Variants in CLTCL1 observed in about 807,000 individuals in gnomAD.
The protein encoded by CLTCL1 is clathrin heavy chain 2.
Under a neutral mutation model 190.0 loss-of-function variants are expected in CLTCL1, and 159 were observed. The observed-to-expected ratio is 0.84, with a 90% confidence interval of 0.74 to 0.95. The LOEUF (loss-of-function observed/expected upper bound fraction) is 0.95. Among genes scored for constraint, CLTCL1 ranks in the 40% least tolerant of loss-of-function variants. The pLI is 0.00. For missense variants in CLTCL1, 1,878 were observed against 2,033.4 expected (o/e 0.92, Z 1.47); for synonymous variants, 752 against 769.6 (o/e 0.98, Z 0.38).
At chr22:19,271,864 T>C (rs927453684) in intron 2 of CLTCL1, among the ~76,000 whole-genome samples, 1 of 152,188 alleles carries the variant, frequency 6.6e-6, no homozygotes, top group African/African-American at 2.4e-5. Context: ...CTCAGGACTT[T>C]GGAAGGCTGA....
chr22:19,285,809 C>T (rs1160666610), intron 1 of CLTCL1, among the ~76,000 whole-genome samples: 2 of 152,100 alleles, frequency 1.3e-5, no homozygotes, highest in Non-Finnish European at 2.9e-5. Flanking sequence ...GACAGGGTGC[C>T]AGCAACTACT....
intron 1 of CLTCL1, among the ~76,000 whole-genome samples, chr22:19,280,511 CA>C (rs1448328256): frequency 2.6e-5 from 4 of 151,908 alleles, no homozygotes; most frequent in Non-Finnish European, 4.4e-5. Flanking sequence ...ACCTTGAGGT[CA>C]TTATGCTAAG....
At chr22:19,222,134 C>T (rs374584984) in intron 15 of CLTCL1, 41 bp from the exon 16 acceptor site, 12 of 1,608,636 alleles carry the variant, frequency 7.5e-6, no homozygotes, top group Non-Finnish European at 1.0e-5. Context: ...GTTGCAAACA[C>T]AAGTTATTGT....
intron 2 of CLTCL1, among the ~76,000 whole-genome samples, chr22:19,262,751 C>A (rs1160542104): frequency 1.3e-5 from 2 of 151,952 alleles, no homozygotes; most frequent in South Asian, 2.1e-4. Context: ...CAACTCGCAG[C>A]TGGGTACAGT....
At chr22:19,222,613 C>T in intron 15 of CLTCL1, 71 bp downstream of exon 15, 1 of 1,538,580 alleles carries the variant, frequency 6.5e-7, no homozygotes, top group Non-Finnish European at 8.8e-7. Context: ...TACAGGCAGC[C>T]TCTGAGGGGA....
chr22:19,234,684 T>A lies in CLTCL1; in HGVS notation c.992A>T (p.Glu331Val). ...KGQVLSVCVE[E>V]DNIVNYATNV... The stretch of plus-strand genomic sequence containing the variant: ...GGTTGCATAATTCACAATGTTATCT[T>A]CCTCAACACAAACTGACAGTACCTG... The change falls in exon 7 of 33, where the codon GAA becomes GTA. Residue 331 changes from glutamate to valine, a missense_variant. Physicochemically the swap from Glu to Val is moderately radical, Grantham distance 121 (BLOSUM62 -2). Coordinates refer to ENST00000427926, the MANE Select transcript of CLTCL1 (RefSeq NM_007098.4). The A allele has an allele frequency of 6.2e-7, 1 of 1,613,972 alleles. No homozygotes were observed. Among genetic ancestry groups the A allele is most frequent in the Non-Finnish European group, 8.5e-7 (1 of 1,179,852 alleles).
At chr22:19,254,437 T>C (rs541089479) in intron 2 of CLTCL1, among the ~76,000 whole-genome samples, 1 of 152,318 alleles carries the variant, frequency 6.6e-6, no homozygotes, top group Non-Finnish European at 1.5e-5. Flanking sequence ...AAATTCTTCT[T>C]CAGAGGAATG....
rs2086673874 is a variant in CLTCL1 at position 19,253,962 on chromosome 22, A to G, written c.516T>C (p.Ala172=). 1.2e-6 allele frequency: 2 copies of G among 1,612,014 alleles called. No homozygotes were observed. Among genetic ancestry groups the G allele is most frequent in the Non-Finnish European group, 1.7e-6 (2 of 1,178,628 alleles). The change falls in exon 3 of 33, where the codon GCT becomes GCC. Residue 172 remains alanine, a synonymous_variant. Transcript: ENST00000427926. Reference sequence around the variant, plus strand: ...CTAAAGGCAGCTCAAGGCTTACCTGAGCCGAGATGCCTACGAGCAGCAGCC... The same window carrying G: ...CTAAAGGCAGCTCAAGGCTTACCTGGGCCGAGATGCCTACGAGCAGCAGCC... The part of the protein sequence containing the change: ...QKWLLLVGIS[A]QQNRVVGAMQ...
chr22:19,196,860 T>G (rs1449735496), intron 24 of CLTCL1, among the ~76,000 whole-genome samples: 3 of 152,194 alleles, frequency 2.0e-5, no homozygotes, highest in African/African-American at 7.2e-5. Flanking sequence ...CAATTACCAG[T>G]GGCACACTGC....
At chr22:19,245,052 G>GCCTCCC (rs2086373381) in intron 3 of CLTCL1, among the ~76,000 whole-genome samples, 1 of 152,100 alleles carries the variant, frequency 6.6e-6, no homozygotes. Context: ...GCTTCCCAAA[G>GCCTCCC]TGACACCTAA....
intron 32 of CLTCL1, 45 bp from the exon 33 acceptor site, chr22:19,180,014 TG>T: frequency 1.6e-6 from 1 of 606,888 alleles, no homozygotes; most frequent in Non-Finnish European, 2.9e-6. Flanking sequence ...TTCCTGCCCA[TG>T]GGGGTCCTCT....
intron 26 of CLTCL1, 50 bp downstream of exon 26, chr22:19,196,216 T>C: frequency 1.3e-6 from 2 of 1,584,256 alleles, no homozygotes; most frequent in Non-Finnish European, 1.7e-6. Flanking sequence ...GCACCCAGAA[T>C]AGGGCCTGGC....
At chr22:19,193,040 T>C (rs897959704) in intron 26 of CLTCL1, among the ~76,000 whole-genome samples, 1 of 152,228 alleles carries the variant, frequency 6.6e-6, no homozygotes, top group Non-Finnish European at 1.5e-5. Flanking sequence ...TCATCTTCTG[T>C]GGCGAATCAC....
At chr22:19,184,313 T>G (rs1256632512) in intron 29 of CLTCL1, 2 of 361,726 alleles carry the variant, frequency 5.5e-6, no homozygotes, top group Admixed American at 3.3e-5. Context: ...TTGGCCATGA[T>G]CCACTGACTG....
chr22:19,237,152 A>G (rs1336737634), intron 5 of CLTCL1, among the ~76,000 whole-genome samples: 2 of 152,138 alleles, frequency 1.3e-5, no homozygotes, highest in African/African-American at 4.8e-5. Context: ...TTAGTACTCT[A>G]CAAGTACAAA....
chr22:19,276,440 G>A (rs1555983396), intron 1 of CLTCL1, among the ~76,000 whole-genome samples: 3 of 152,146 alleles, frequency 2.0e-5, no homozygotes. Flanking sequence ...CAGGGCCGAT[G>A]GACTGCTACT....
chr22:19,281,673 G>A (rs1390787830), intron 1 of CLTCL1, among the ~76,000 whole-genome samples: 4 of 152,186 alleles, frequency 2.6e-5, no homozygotes, highest in African/African-American at 9.6e-5. Context: ...ACAGAGCAGT[G>A]CACTGAAGTG....
chr22:19,278,153 C>T (rs574331899), intron 1 of CLTCL1, among the ~76,000 whole-genome samples: 20 of 152,144 alleles, frequency 1.3e-4, no homozygotes, highest in Non-Finnish European at 1.9e-4. Context: ...ATGGAGCTCC[C>T]GACATCTATC....
At chr22:19,184,849 TCTCTC>T in intron 29 of CLTCL1, 1 of 316,836 alleles carries the variant, frequency 3.2e-6, no homozygotes, top group East Asian at 9.0e-5. Context: ...CACACCCTCC[TCTCTC>T]ATCACCTCCC....
Sources: gnomAD v4.1 joint callset for allele counts (sites outside exome capture counted in the v4.1 genomes callset) on GRCh38, gnomAD v4.1.1 for gene constraint, MANE v1.5 for transcripts, NCBI Gene and HGNC (gene_info 2026-07-23, HGNC 2026-07-21) for gene names.